Variants in COBL observed in about 807,000 individuals in gnomAD.
COBL encodes protein cordon-bleu.
In COBL, 51 loss-of-function variants were observed where a neutral mutation model predicts 98.8. That is an observed-to-expected ratio of 0.52 (90% CI 0.41 to 0.65). The LOEUF (loss-of-function observed/expected upper bound fraction) is 0.65. Among genes scored for constraint, COBL ranks in the 30% least tolerant of loss-of-function variants. The probability of loss-of-function intolerance (pLI) is 0.00; values close to 1 mark genes in which losing one functional copy is unlikely to be tolerated. For synonymous variants in COBL, 634 were observed against 651.7 expected (o/e 0.97, Z 0.41); for missense variants, 1,617 against 1,617.5 (o/e 1.00, Z 0.01).
chr7:51,310,294 T>G (rs1318700859), intron 1 of COBL, among the ~76,000 whole-genome samples: 3 of 152,190 alleles, frequency 2.0e-5, no homozygotes, highest in Non-Finnish European at 4.4e-5. Flanking sequence ...CCCATCAGGA[T>G]GGGCCTGCAG....
At chr7:51,122,024 C>A (rs1797781068) in intron 6 of COBL, among the ~76,000 whole-genome samples, 1 of 152,222 alleles carries the variant, frequency 6.6e-6, no homozygotes, top group Admixed American at 6.5e-5. Flanking sequence ...CTTCCCACTT[C>A]CTCCATGTTG....
intron 7 of COBL, among the ~76,000 whole-genome samples, chr7:51,045,645 G>GAGGAGGCCCTC (rs1230220123): frequency 6.6e-6 from 1 of 152,186 alleles, no homozygotes; most frequent in African/African-American, 2.4e-5. Flanking sequence ...AGGCCCCTTG[G>GAGGAGGCCCTC]AGGAGGCCCT....
At chr7:51,103,548 T>C (rs1362483560) in intron 6 of COBL, among the ~76,000 whole-genome samples, 2 of 152,218 alleles carry the variant, frequency 1.3e-5, no homozygotes, top group African/African-American at 4.8e-5. Context: ...GATTCGAAGT[T>C]TTTAAAATTC....
In COBL at chr7:51,159,779, G is replaced by T. The variant is rs548548281; in HGVS notation, c.784-23448C>A. ...GATCTATGTGTATACTACTCCCATT[G>T]TAAGAATCGAACACTCTGGGAAAAA... On this transcript the variant is annotated intron_variant, in intron 5 of 12. Transcript: ENST00000265136. Among the ~76,000 whole-genome samples the T allele has an allele frequency of 5.9e-5, 9 of 152,040 alleles. No homozygotes were observed. In the East Asian group the frequency reaches 1.5e-3, roughly 26 times the overall value.
chr7:51,273,823 T>C (rs1466741178), intron 1 of COBL, among the ~76,000 whole-genome samples: 2 of 152,234 alleles, frequency 1.3e-5, no homozygotes, highest in East Asian at 1.9e-4. Context: ...AACACTTCAG[T>C]GTTTTGGGAA....
intron 6 of COBL, among the ~76,000 whole-genome samples, chr7:51,109,523 C>T (rs908998837): frequency 6.6e-6 from 1 of 152,162 alleles, no homozygotes; most frequent in African/African-American, 2.4e-5. Flanking sequence ...CCTTGCCCCC[C>T]ACCCCTGGCT....
chr7:51,158,476 T>G (rs1786423385), intron 5 of COBL, among the ~76,000 whole-genome samples: 1 of 61,608 alleles, frequency 1.6e-5, no homozygotes, highest in Non-Finnish European at 7.1e-5. Context: ...GGGACATATT[T>G]AAGATGCAGA....
chr7:51,186,618 C>T (rs149054457), intron 4 of COBL, among the ~76,000 whole-genome samples: 86 of 152,334 alleles, frequency 5.6e-4, no homozygotes, highest in African/African-American at 1.5e-3. Flanking sequence ...CAGAATGCCC[C>T]TCAATAGTGG....
chr7:51,073,984 A>G (rs1287995459), intron 7 of COBL, among the ~76,000 whole-genome samples: 1 of 152,112 alleles, frequency 6.6e-6, no homozygotes, highest in Admixed American at 6.5e-5. Context: ...TGGGAGACTG[A>G]CCTGTGGTGC....
rs1405124193 is a variant in COBL, at chr7:51,246,360, T to G, written c.42-26416A>C. On this transcript the variant is annotated intron_variant, in intron 1 of 12. Transcript: ENST00000265136. The stretch of plus-strand genomic sequence containing the variant: ...CAGCTCAGAAGCCCATAGTAAATGC[T>G]GTTTGTTGTCAGCAGGACACATGCA... Among the ~76,000 whole-genome samples, 7 of 152,310 alleles carry G rather than the reference T, an allele frequency of 4.6e-5. No individual in the cohort carries two copies. The South Asian group carries it at 1.2e-3, about 27-fold the overall frequency.
At chr7:51,135,796 A>T (rs920306138) in intron 6 of COBL, among the ~76,000 whole-genome samples, 2 of 152,230 alleles carry the variant, frequency 1.3e-5, no homozygotes, top group African/African-American at 4.8e-5. Context: ...CATTTGTGGC[A>T]TGCTGCCTCC....
At chr7:51,268,271 C>G (rs1269114871) in intron 1 of COBL, among the ~76,000 whole-genome samples, 1 of 152,166 alleles carries the variant, frequency 6.6e-6, no homozygotes, top group Non-Finnish European at 1.5e-5. Flanking sequence ...GATCACTATT[C>G]CCAGTAATTT....
chr7:51,246,482 G>A (rs549355370), intron 1 of COBL, among the ~76,000 whole-genome samples: 1 of 152,242 alleles, frequency 6.6e-6, no homozygotes, highest in Non-Finnish European at 1.5e-5. Flanking sequence ...ATTCTCCCCT[G>A]GCACACAGCC....
At chr7:51,291,130 G>A (rs1225343268) in intron 1 of COBL, among the ~76,000 whole-genome samples, 2 of 152,156 alleles carry the variant, frequency 1.3e-5, no homozygotes, top group East Asian at 1.9e-4. Flanking sequence ...AAGCCATCGC[G>A]AGGCAGCGAA....
chr7:51,264,331 G>A (rs907545930), intron 1 of COBL, among the ~76,000 whole-genome samples: 3 of 152,094 alleles, frequency 2.0e-5, no homozygotes, highest in Non-Finnish European at 4.4e-5. Flanking sequence ...ACACCTCTAC[G>A]TAACAGTTGG....
chr7:51,102,662 A>G (rs1203656850), intron 6 of COBL, among the ~76,000 whole-genome samples: 2 of 152,238 alleles, frequency 1.3e-5, no homozygotes, highest in Non-Finnish European at 2.9e-5. Context: ...AAGAAGACAG[A>G]CATCCACAGA....
rs1797549330 is a variant in COBL, at chr7:51,259,740, G to A, written c.42-39796C>T. On this transcript the variant is annotated intron_variant, in intron 1 of 12. Coordinates refer to ENST00000265136, the MANE Select transcript of COBL (RefSeq NM_015198.5). ...ATGAGTTCCCAGGCAGACTTCAGAT[G>A]TGGAAATACCCAGATCACATAAGTT... 1.5e-5 allele frequency: 11 copies of A among 744,040 alleles called. 1 individual carries two copies. Among genetic ancestry groups the A allele is most frequent in the South Asian group, 1.2e-4 (9 of 73,786 alleles). 46.1% of individuals were successfully genotyped at this position (744,040 alleles called of 1,614,324 possible).
intron 7 of COBL, among the ~76,000 whole-genome samples, chr7:51,076,074 AG>A (rs1402253965): frequency 1.3e-5 from 2 of 152,210 alleles, no homozygotes; most frequent in Non-Finnish European, 2.9e-5. Context: ...CTCTCCTGCC[AG>A]GGAAGGAAAG....
chr7:51,085,488 C>A (rs905365732), intron 6 of COBL, among the ~76,000 whole-genome samples, 184 bp from the exon 7 acceptor site: 1 of 152,160 alleles, frequency 6.6e-6, no homozygotes, highest in Non-Finnish European at 1.5e-5. Context: ...GGCCATGAGG[C>A]GAGAGACCAG....
Sources: gnomAD v4.1 joint callset for allele counts (sites outside exome capture counted in the v4.1 genomes callset) on GRCh38, gnomAD v4.1.1 for gene constraint, MANE v1.5 for transcripts, NCBI Gene and HGNC (gene_info 2026-07-23, HGNC 2026-07-21) for gene names.